Variants in ATP2B1 observed in about 807,000 individuals in gnomAD.
ATP2B1 encodes plasma membrane calcium-transporting ATPase 1.
In ATP2B1, 14 loss-of-function variants were observed where a neutral mutation model predicts 124.2. The observed-to-expected ratio is 0.11, with a 90% CI of 0.07 to 0.18. The LOEUF (loss-of-function observed/expected upper bound fraction) is 0.18, where lower values mean the gene tolerates loss of function less well. Ranked by LOEUF, ATP2B1 falls within the 10% of genes least tolerant of loss-of-function variation. The pLI is 1.00. For synonymous variants in ATP2B1, 449 were observed against 492.4 expected (o/e 0.91, Z 1.17); for missense variants, 763 against 1,466.1 (o/e 0.52, Z 7.83).
intron 1 of ATP2B1, among the ~76,000 whole-genome samples, chr12:89,683,205 A>G (rs1245504434): frequency 6.6e-6 from 1 of 152,240 alleles, no homozygotes; most frequent in Non-Finnish European, 1.5e-5. Flanking sequence ...TCAATTCACC[A>G]GCAATGTATG....
At chr12:89,658,061 G>A (rs1327544939) in intron 1 of ATP2B1, among the ~76,000 whole-genome samples, 5 of 152,088 alleles carry the variant, frequency 3.3e-5, no homozygotes, top group Non-Finnish European at 1.5e-5. Flanking sequence ...AAACTGGAGA[G>A]GGTGGTTATT....
intron 3 of ATP2B1, among the ~76,000 whole-genome samples, chr12:89,637,410 AT>A (rs1159492139): frequency 7.7e-4 from 51 of 66,254 alleles, no homozygotes; most frequent in Non-Finnish European, 1.3e-3. Context: ...CAAACATTAA[AT>A]TTTAATTTTT....
intron 15 of ATP2B1, among the ~76,000 whole-genome samples, chr12:89,606,279 T>TA (rs1307453060): frequency 6.6e-6 from 1 of 152,094 alleles, no homozygotes; most frequent in Non-Finnish European, 1.5e-5. Flanking sequence ...AGCCTTATAT[T>TA]AAAAAAATCA....
chr12:89,603,669 A>G lies in ATP2B1; in HGVS notation c.2848+43T>C. On this transcript the variant is annotated intron_variant, in intron 17 of 20. Coordinates refer to ENST00000428670, the MANE Select transcript of ATP2B1 (RefSeq NM_001366521.1). This position sits in a 1 kb window ranked among gnomAD's most constrained non-coding sequence, Gnocchi z 4.3. Reference sequence around the variant, plus strand: ...AACATCTTGGATGATTAGCTTGGAAAAGAAACAATTAACTGAAGCTTTATT... The same window carrying G: ...AACATCTTGGATGATTAGCTTGGAAGAGAAACAATTAACTGAAGCTTTATT... 5 of 1,578,200 alleles carry G rather than the reference A, an allele frequency of 3.2e-6. No homozygotes were observed. Among genetic ancestry groups the G allele is most frequent in the Non-Finnish European group, 4.4e-6 (5 of 1,148,742 alleles).
intron 1 of ATP2B1, among the ~76,000 whole-genome samples, chr12:89,693,074 T>C (rs887868660): frequency 6.6e-6 from 1 of 152,178 alleles, no homozygotes; most frequent in Non-Finnish European, 1.5e-5. Context: ...AAGCCAATAA[T>C]TTATTTTCTA....
At chr12:89,697,984 T>C (rs1321814380) in intron 1 of ATP2B1, among the ~76,000 whole-genome samples, 2 of 152,068 alleles carry the variant, frequency 1.3e-5, no homozygotes, top group Non-Finnish European at 2.9e-5. Context: ...ACAATTCTCC[T>C]GCCTCAGCCT....
Position 89,660,286 on chromosome 12 carries a change from C to T in ATP2B1, c.-221-4179G>A, listed in dbSNP as rs553015815. Among the ~76,000 whole-genome samples the T allele has an allele frequency of 3.8e-4, 58 of 152,236 alleles. 1 individual carries two copies. Among genetic ancestry groups the T allele is most frequent in the Admixed American group, 3.7e-3 (56 of 15,296 alleles). ...AAGCAACTCAAAGCTAGGTAAAAAT[C>T]GGCAATACGTTACATGACAGAATTG... On this transcript the variant is annotated intron_variant, in intron 1 of 20. Coordinates refer to ENST00000428670, the MANE Select transcript of ATP2B1 (RefSeq NM_001366521.1).
At chr12:89,666,394 T>C (rs762334296) in intron 1 of ATP2B1, among the ~76,000 whole-genome samples, 22 of 152,248 alleles carry the variant, frequency 1.4e-4, no homozygotes, top group Non-Finnish European at 2.9e-4. Context: ...GGTAAACTTA[T>C]CATCCCTTGG....
At chr12:89,709,311 G>C (rs1323367500), upstream of ATP2B1, 1 of 151,900 alleles carries the variant, frequency 6.6e-6, no homozygotes, top group Non-Finnish European at 1.5e-5. Flanking sequence ...AGCCGCCACC[G>C]CCGCCGAAGC....
At chr12:89,635,370 T>C in intron 3 of ATP2B1, 119 bp from the exon 4 acceptor site, 3 of 1,169,914 alleles carry the variant, frequency 2.6e-6, no homozygotes, top group South Asian at 1.6e-5. Flanking sequence ...CTTATAGCAA[T>C]AAATACTTTA....
chr12:89,700,618 A>G (rs1363236044), intron 1 of ATP2B1, among the ~76,000 whole-genome samples: 1 of 152,206 alleles, frequency 6.6e-6, no homozygotes, highest in East Asian at 1.9e-4. Flanking sequence ...CCCAGTAGAA[A>G]AACAACTTAC....
rs540086293 is a variant in ATP2B1 at position 89,636,182 on chromosome 12, C to T, written c.407-931G>A. Among the ~76,000 whole-genome samples the T allele has an allele frequency of 2.0e-4, 30 of 151,088 alleles. No individual in the cohort carries two copies. The South Asian group carries it at 5.7e-3, about 29-fold the overall frequency. On this transcript the variant is annotated intron_variant, in intron 3 of 20. Coordinates refer to ENST00000428670, the MANE Select transcript of ATP2B1 (RefSeq NM_001366521.1). ...ATCCAGGGAGAGATTAAAATCAGTA[C>T]AAATGGCAGAATAGAGATCAGAAAA...
At chr12:89,613,307 T>G (rs1269879946) in intron 12 of ATP2B1, among the ~76,000 whole-genome samples, 1 of 152,180 alleles carries the variant, frequency 6.6e-6, no homozygotes, top group African/African-American at 2.4e-5. Context: ...AAAACATGTA[T>G]GCAATGTAAT....
chr12:89,679,526 A>C (rs553419353), intron 1 of ATP2B1, among the ~76,000 whole-genome samples: 6 of 152,306 alleles, frequency 3.9e-5, no homozygotes, highest in African/African-American at 7.2e-5. Context: ...CTTTTCCCCC[A>C]AAAAGCACAA....
chr12:89,649,271 A>G (rs1884922018), intron 2 of ATP2B1, among the ~76,000 whole-genome samples: 1 of 152,246 alleles, frequency 6.6e-6, no homozygotes, highest in Non-Finnish European at 1.5e-5. Flanking sequence ...ACTCAACTAC[A>G]ACCTAAGAGT....
chr12:89,660,755 T>G (rs924112757), intron 1 of ATP2B1, among the ~76,000 whole-genome samples: 4 of 152,350 alleles, frequency 2.6e-5, no homozygotes, highest in Middle Eastern at 3.4e-3. Context: ...CTATTTTTAC[T>G]GTTCTTTAAG....
intron 15 of ATP2B1, 87 bp downstream of exon 15, chr12:89,609,850 C>G: frequency 8.2e-7 from 1 of 1,213,376 alleles, no homozygotes; most frequent in Non-Finnish European, 1.2e-6. Context: ...GTTTAAAATC[C>G]ATAGTAATTT....
At chr12:89,638,505 A>T (rs2136217254) in intron 3 of ATP2B1, among the ~76,000 whole-genome samples, 1 of 152,324 alleles carries the variant, frequency 6.6e-6, no homozygotes, top group South Asian at 2.1e-4. Context: ...ATTACACTGC[A>T]TGTGATAATG....
chr12:89,658,022 C>A (rs1025407554), intron 1 of ATP2B1, among the ~76,000 whole-genome samples: 1 of 152,172 alleles, frequency 6.6e-6, no homozygotes, highest in African/African-American at 2.4e-5. Flanking sequence ...CCTACGCACA[C>A]ATCAATTATA....
Sources: allele counts gnomAD v4.1 joint callset (sites outside exome capture counted in the v4.1 genomes callset), GRCh38; gene constraint gnomAD v4.1.1; non-coding constraint Gnocchi (gnomAD v3.1); transcripts MANE v1.5; gene names NCBI Gene and HGNC (gene_info 2026-07-23, HGNC 2026-07-21).